The following PRKCQ variants were observed in gnomAD, a reference collection of about 807,000 sequenced individuals.
PRKCQ encodes the protein protein kinase C theta type.
In PRKCQ, 41 loss-of-function variants were observed where a neutral mutation model predicts 91.2. That is an observed-to-expected ratio of 0.45 (90% CI 0.35 to 0.58). PRKCQ has a LOEUF of 0.58. PRKCQ is among the 20% of genes least tolerant of loss of function. The pLI, the probability that PRKCQ is intolerant of heterozygous loss-of-function variation, is 0.00. For synonymous variants in PRKCQ, 307 were observed against 316.9 expected, an observed-to-expected ratio of 0.97 and a Z score of 0.33; for missense variants, 673 against 896.5, an observed-to-expected ratio of 0.75 and a Z score of 3.18.
At chr10:6,520,803 C>G (rs1377088602) in intron 1 of PRKCQ, among the ~76,000 whole-genome samples, 1 of 152,150 alleles carries the variant, frequency 6.6e-6, no homozygotes, top group Non-Finnish European at 1.5e-5. Context: ...TCCTGTGGCT[C>G]CCAGCTCTCA....
intron 16 of PRKCQ, 86 bp downstream of exon 16, chr10:6,441,807 T>A (rs951528027): frequency 8.8e-6 from 12 of 1,359,964 alleles, no homozygotes; most frequent in Non-Finnish European, 9.0e-6. Flanking sequence ...GTTTGCCACA[T>A]GCAAGTTGGA....
chr10:6,430,741 TG>T lies in PRKCQ; in HGVS notation c.1965+68del. On this transcript the variant is annotated intron_variant, in intron 17 of 17. Coordinates refer to ENST00000263125, the MANE Select transcript of PRKCQ (RefSeq NM_006257.5). The surrounding 1 kb of genome is among the most constrained non-coding windows in gnomAD (Gnocchi z 4.7). ...GCAGGGGTGAGCAGCTGCGGTGACT[TG>T]GACAGGCAGACGGCCCTGAGCGGAG... 6.4e-7 allele frequency: 1 copy of T among 1,571,786 alleles called. No homozygotes were observed.
At chr10:6,486,723 G>A (rs889639580) in intron 8 of PRKCQ, among the ~76,000 whole-genome samples, 1 of 152,176 alleles carries the variant, frequency 6.6e-6, no homozygotes, top group South Asian at 2.1e-4. Context: ...CCCCACTTTG[G>A]GGCTCACCTG....
intron 1 of PRKCQ, among the ~76,000 whole-genome samples, chr10:6,530,763 C>T (rs1019758916): frequency 6.6e-6 from 1 of 152,220 alleles, no homozygotes; most frequent in Non-Finnish European, 1.5e-5. Flanking sequence ...GGTTTAGAAT[C>T]CACAGAAACT....
At chr10:6,574,271 ACT>A (rs1841145731) in intron 1 of PRKCQ, among the ~76,000 whole-genome samples, 1 of 152,092 alleles carries the variant, frequency 6.6e-6, no homozygotes, top group South Asian at 2.1e-4. Context: ...GGCAGGTAAA[ACT>A]CTCTGAAACG....
At chr10:6,530,025 C>A (rs113412611) in intron 1 of PRKCQ, among the ~76,000 whole-genome samples, 3 of 152,180 alleles carry the variant, frequency 2.0e-5, no homozygotes, top group Non-Finnish European at 4.4e-5. Flanking sequence ...GTGACACACA[C>A]ATTTGTTTTT....
At chr10:6,527,757 C>T (rs1564375223) in intron 1 of PRKCQ, among the ~76,000 whole-genome samples, 1 of 152,154 alleles carries the variant, frequency 6.6e-6, no homozygotes, top group South Asian at 2.1e-4. Context: ...AGATGGCCAC[C>T]GTCACACACT....
At chr10:6,492,585 G>A (rs1837379590) in intron 7 of PRKCQ, among the ~76,000 whole-genome samples, 1 of 152,172 alleles carries the variant, frequency 6.6e-6, no homozygotes, top group Non-Finnish European at 1.5e-5. Context: ...TCAGAGCCCA[G>A]CCATTCTCTT....
chr10:6,397,339 C>A, the PRKCQ span, among the ~76,000 whole-genome samples: 1 of 152,200 alleles, frequency 6.6e-6, no homozygotes, highest in Non-Finnish European at 1.5e-5. Context: ...AGGCAATCCG[C>A]CCTCTTGGCC....
intron 12 of PRKCQ, among the ~76,000 whole-genome samples, chr10:6,471,699 G>A (rs1315497373): frequency 9.2e-5 from 14 of 152,170 alleles, no homozygotes; most frequent in East Asian, 1.9e-4. Flanking sequence ...GCAGTGAGCC[G>A]AGATCGTTCC....
intron 16 of PRKCQ, among the ~76,000 whole-genome samples, chr10:6,432,864 C>T (rs1220078918): frequency 6.6e-6 from 1 of 152,144 alleles, no homozygotes; most frequent in Non-Finnish European, 1.5e-5. Context: ...ATGACATTTC[C>T]ATCTTGCCAT....
intron 7 of PRKCQ, among the ~76,000 whole-genome samples, chr10:6,495,145 C>T (rs1307736079): frequency 1.1e-4 from 16 of 152,354 alleles, no homozygotes; most frequent in Non-Finnish European, 7.3e-5. Flanking sequence ...CCAACCTCCC[C>T]GCTTGGAGGA....
At chr10:6,505,599 A>C (rs1406791865) in intron 4 of PRKCQ, among the ~76,000 whole-genome samples, 144 of 85,218 alleles carry the variant, frequency 1.7e-3, no homozygotes, top group African/African-American at 2.3e-3. Flanking sequence ...CCTCTCTCTC[A>C]CCCTCTCTCT....
chr10:6,492,998 A>C (rs1482794442), intron 7 of PRKCQ, among the ~76,000 whole-genome samples: 1 of 152,232 alleles, frequency 6.6e-6, no homozygotes, highest in East Asian at 1.9e-4. Context: ...TTTTCAACCA[A>C]GAAAAAAATA....
At chr10:6,463,980 C>T (rs1202311425) in intron 13 of PRKCQ, among the ~76,000 whole-genome samples, 1 of 152,212 alleles carries the variant, frequency 6.6e-6, no homozygotes, top group Non-Finnish European at 1.5e-5. Context: ...AAGCTCCATC[C>T]CTGGGGACCA....
At chr10:6,412,938 A>G in the PRKCQ span, among the ~76,000 whole-genome samples, 3 of 147,614 alleles carry the variant, frequency 2.0e-5, no homozygotes, top group East Asian at 1.9e-4. Flanking sequence ...CTGTACAAAC[A>G]TTACAATTTT....
At chr10:6,431,682 C>A (rs1833436407) in intron 16 of PRKCQ, among the ~76,000 whole-genome samples, 1 of 152,224 alleles carries the variant, frequency 6.6e-6, no homozygotes, top group Non-Finnish European at 1.5e-5. Context: ...TACAAAGCTG[C>A]ATTCTTAGAA....
chr10:6,535,052 G>T (rs1421707697), intron 1 of PRKCQ, among the ~76,000 whole-genome samples: 1 of 152,144 alleles, frequency 6.6e-6, no homozygotes, highest in African/African-American at 2.4e-5. Context: ...AGGGAAAAAT[G>T]GATGTGTACA....
At chr10:6,404,955 TA>T in the PRKCQ span, among the ~76,000 whole-genome samples, 4 of 17,360 alleles carry the variant, frequency 2.3e-4, no homozygotes, top group Admixed American at 1.0e-3. Flanking sequence ...TCCTTCCTTC[TA>T]TCCTTCCTTC....
Sources: allele counts gnomAD v4.1 joint callset (sites outside exome capture counted in the v4.1 genomes callset), GRCh38; gene constraint gnomAD v4.1.1; non-coding constraint Gnocchi (gnomAD v3.1); transcripts MANE v1.5; gene names NCBI Gene and HGNC (gene_info 2026-07-23, HGNC 2026-07-21).